The following OLA1 variants were observed in gnomAD, a reference collection of about 807,000 sequenced individuals.
The protein encoded by OLA1 is obg-like ATPase 1.
In OLA1, 14 loss-of-function variants were observed where a neutral mutation model predicts 48.4. The ratio of observed to expected loss-of-function variants is 0.29; its 90% confidence interval spans 0.19 to 0.45. The LOEUF is 0.45. Among genes scored for constraint, OLA1 ranks in the 20% least tolerant of loss-of-function variants. OLA1 has a pLI of 1.00. For synonymous variants in OLA1, 127 were observed against 150.4 expected (o/e 0.84, Z 1.14); for missense variants, 325 against 467.1 (o/e 0.70, Z 2.80).
chr2:174,138,571 C>T (rs1174180735), intron 5 of OLA1, among the ~76,000 whole-genome samples: 1 of 152,160 alleles, frequency 6.6e-6, no homozygotes, highest in South Asian at 2.1e-4. Context: ...GGAGCACATG[C>T]TGTTGGAAAA....
intron 4 of OLA1, among the ~76,000 whole-genome samples, chr2:174,171,473 G>C (rs1302304211): frequency 6.6e-6 from 1 of 152,016 alleles, no homozygotes; most frequent in Non-Finnish European, 1.5e-5. Flanking sequence ...AAGAATGTTA[G>C]AAAAGCTCCA....
chr2:174,116,072 T>C, intron 7 of OLA1, among the ~76,000 whole-genome samples: 1 of 152,224 alleles, frequency 6.6e-6, no homozygotes, highest in Non-Finnish European at 1.5e-5. Flanking sequence ...AACATAAATT[T>C]GAAATTTGCA....
At chr2:174,144,950 AAAT>A (rs1226310563) in intron 4 of OLA1, among the ~76,000 whole-genome samples, 1,093 of 63,476 alleles carry the variant, frequency 0.017, 6 homozygotes, top group Non-Finnish European at 0.025. Flanking sequence ...AAAAAAAAAA[AAAT>A]ATATATATAT....
intron 4 of OLA1, among the ~76,000 whole-genome samples, chr2:174,174,035 CAAAAAAAA>C (rs112671944): frequency 0.4 from 54,199 of 136,368 alleles, 10,991 homozygotes; most frequent in East Asian, 0.92. Flanking sequence ...CACACACACA[CAAAAAAAA>C]AAAAAAAAAC....
Position 174,141,179 on chromosome 2 carries a change from G to A in OLA1, c.549+646C>T, listed in dbSNP as rs183610422. 5.5e-4 allele frequency among the ~76,000 whole-genome samples: 84 copies of A among 152,276 alleles called. 1 individual carries two copies. In the Middle Eastern group the frequency reaches 0.014, roughly 25 times the overall value. On this transcript the variant is annotated intron_variant, in intron 5 of 10. Transcript: ENST00000284719. Reference sequence around the variant, plus strand: ...ACTTCTGATCTCAGGTGATCCACCCGCCTCAGCTTCCCAAAGTGCTGGGAT... The same window carrying A: ...ACTTCTGATCTCAGGTGATCCACCCACCTCAGCTTCCCAAAGTGCTGGGAT...
At position 174,073,422 on chromosome 2, in the gene OLA1, A is replaced by G. The variant is rs572358871; in HGVS notation, c.*2004T>C. On this transcript the variant is annotated 3_prime_UTR_variant, in exon 11 of 11. Transcript: ENST00000284719. ...ATTAAAGGAGGGAAAACGTTTAGATATAGGCATATATATGATTATATGTAA... is the reference window on the plus strand; with the variant it reads ...ATTAAAGGAGGGAAAACGTTTAGATGTAGGCATATATATGATTATATGTAA... 6.6e-6 allele frequency: 1 copy of G among 152,368 alleles called. No homozygotes were observed. The highest frequency in any genetic ancestry group is 1.9e-4 in the East Asian group (1 of 5,194). 9.4% of individuals were successfully genotyped at this position (152,368 alleles called of 1,614,324 possible).
At chr2:174,123,515 TA>T in intron 6 of OLA1, 79 bp downstream of exon 6, 1 of 847,110 alleles carries the variant, frequency 1.2e-6, no homozygotes, top group Non-Finnish European at 1.8e-6. Context: ...ATGGTAAGTG[TA>T]AAATAACAAC....
chr2:174,155,063 AC>A (rs1218105890), intron 4 of OLA1, among the ~76,000 whole-genome samples: 1 of 152,018 alleles, frequency 6.6e-6, no homozygotes, highest in African/African-American at 2.4e-5. Context: ...CTCTAACCAT[AC>A]CCTCTATTTG....
At chr2:174,078,873 C>T (rs985515449) in intron 10 of OLA1, 95 bp downstream of exon 10, 21 of 1,282,096 alleles carry the variant, frequency 1.6e-5, no homozygotes, top group Non-Finnish European at 2.1e-5. Context: ...TTAGACTACA[C>T]TCAGTTTAAA....
chr2:174,214,709 C>T (rs988841344), intron 4 of OLA1, among the ~76,000 whole-genome samples: 12 of 152,074 alleles, frequency 7.9e-5, no homozygotes, highest in African/African-American at 2.2e-4. Flanking sequence ...GCAGCTCTGC[C>T]CGTTAGTTCA....
intron 7 of OLA1, among the ~76,000 whole-genome samples, chr2:174,104,064 T>C (rs908524126): frequency 9.9e-5 from 15 of 151,998 alleles, no homozygotes; most frequent in African/African-American, 3.4e-4. Flanking sequence ...CTACTTTCCC[T>C]GATGAATTTT....
At chr2:174,100,774 C>T (rs367609041) in intron 7 of OLA1, among the ~76,000 whole-genome samples, 1 of 152,040 alleles carries the variant, frequency 6.6e-6, no homozygotes, top group Admixed American at 6.5e-5. Context: ...TATAACTATC[C>T]CCCCACAAAG....
intron 4 of OLA1, among the ~76,000 whole-genome samples, chr2:174,175,774 C>T (rs746664540): frequency 2.6e-5 from 4 of 151,774 alleles, no homozygotes; most frequent in East Asian, 1.9e-4. Flanking sequence ...ACAAATAATT[C>T]GTAACAATAA....
Position 174,075,135 on chromosome 2 carries a change from T to G in OLA1, c.*291A>C. On this transcript the variant is annotated 3_prime_UTR_variant, in exon 11 of 11. Transcript: ENST00000284719. ...AATGTGTCAGGCTTGGCATACATGA[T>G]GGAGATTAATGAAGTATCATGAGAG... 3.5e-6 allele frequency: 1 copy of G among 286,386 alleles called. No homozygotes were observed. The highest frequency in any genetic ancestry group is 2.3e-5 in the African/African-American group (1 of 44,382). 17.7% of individuals were successfully genotyped at this position (286,386 alleles called of 1,614,324 possible). A position where few individuals can be genotyped will look rare whatever the true frequency, so the allele number is the denominator to read the frequency against.
chr2:174,247,989 T>C (rs1574581003), intron 1 of OLA1: 1 of 530,858 alleles, frequency 1.9e-6, no homozygotes. Flanking sequence ...AGGACCACGC[T>C]GGGGCCCTGC....
chr2:174,123,444 A>G, intron 6 of OLA1, 151 bp downstream of exon 6: 1 of 610,004 alleles, frequency 1.6e-6, no homozygotes, highest in Non-Finnish European at 2.8e-6. Flanking sequence ...AGTGGGGGAA[A>G]AGAAAAAAAT....
chr2:174,189,568 A>T (rs1284567219), intron 4 of OLA1, among the ~76,000 whole-genome samples: 1 of 152,216 alleles, frequency 6.6e-6, no homozygotes, highest in Non-Finnish European at 1.5e-5. Context: ...AAGCAAAGTA[A>T]AACTATACCA....
intron 7 of OLA1, among the ~76,000 whole-genome samples, chr2:174,097,557 C>T (rs1685285010): frequency 1.3e-5 from 2 of 151,716 alleles, no homozygotes; most frequent in South Asian, 2.1e-4. Context: ...AATCCTAGCA[C>T]TTTGGGAGGC....
chr2:174,243,152 G>A lies in OLA1; in HGVS notation c.101+3563C>T, dbSNP rs140384604. Among the ~76,000 whole-genome samples the A allele has an allele frequency of 9.0e-3, 1,367 of 152,282 alleles. 20 individuals carry two copies. The highest frequency in any genetic ancestry group is 0.044 in the East Asian group (230 of 5,172). On this transcript the variant is annotated intron_variant, in intron 2 of 10. Coordinates refer to ENST00000284719, the MANE Select transcript of OLA1 (RefSeq NM_013341.5). Reference sequence around the variant, plus strand: ...GCCTCCTGAGTAGCTGGGATTACAGGGGCGTGCCACCACACCTGGCTAATT... The same window carrying A: ...GCCTCCTGAGTAGCTGGGATTACAGAGGCGTGCCACCACACCTGGCTAATT...
Sources: allele counts gnomAD v4.1 joint callset (sites outside exome capture counted in the v4.1 genomes callset), GRCh38; gene constraint gnomAD v4.1.1; transcripts MANE v1.5; gene names NCBI Gene and HGNC (gene_info 2026-07-23, HGNC 2026-07-21).